Variants in DCUN1D4 observed in about 807,000 individuals in gnomAD.
DCUN1D4 encodes the protein DCN1-like protein 4.
In DCUN1D4, 22 loss-of-function variants were observed where a neutral mutation model predicts 47.9. The ratio of observed to expected loss-of-function variants is 0.46; its 90% CI spans 0.33 to 0.66. The LOEUF is 0.66. DCUN1D4 is among the 30% of genes least tolerant of loss of function. DCUN1D4 has a pLI of 0.02. For missense variants in DCUN1D4, 301 were observed against 340.8 expected (o/e 0.88, Z 0.92); for synonymous variants, 121 against 112.2 (o/e 1.08, Z -0.50).
intron 7 of DCUN1D4, among the ~76,000 whole-genome samples, chr4:51,894,388 C>G (rs906239893): frequency 6.6e-6 from 1 of 151,588 alleles, no homozygotes; most frequent in East Asian, 1.9e-4. Flanking sequence ...CCCACCCCCA[C>G]CTTCCAACCT....
chr4:51,898,030 G>A (rs1224918367), intron 7 of DCUN1D4, among the ~76,000 whole-genome samples: 1 of 152,194 alleles, frequency 6.6e-6, no homozygotes, highest in African/African-American at 2.4e-5. Context: ...TATCACCAAT[G>A]GATGCTATAA....
At chr4:51,854,189 C>T (rs779686663) in intron 1 of DCUN1D4, among the ~76,000 whole-genome samples, 9 of 152,068 alleles carry the variant, frequency 5.9e-5, no homozygotes, top group African/African-American at 1.9e-4. Context: ...GAGACCTGTG[C>T]CATGTCATGT....
intron 4 of DCUN1D4, among the ~76,000 whole-genome samples, chr4:51,876,153 A>G (rs1727633409): frequency 1.3e-5 from 2 of 152,202 alleles, no homozygotes; most frequent in African/African-American, 4.8e-5. Context: ...ATGTTCAATA[A>G]AAAAGAATTA....
At chr4:51,865,682 T>G (rs577054622) in intron 3 of DCUN1D4, 11 of 152,360 alleles carry the variant, frequency 7.2e-5, no homozygotes, top group African/African-American at 2.2e-4. Flanking sequence ...TGTTTTTCTT[T>G]TTCATTTAAT....
At chr4:51,840,362 G>C (rs1293066244), upstream of DCUN1D4, among the ~76,000 whole-genome samples, 1 of 152,186 alleles carries the variant, frequency 6.6e-6, no homozygotes, top group Non-Finnish European at 1.5e-5. Flanking sequence ...ACTTGTATTA[G>C]ATTGGCATAG....
chr4:51,838,455 C>T (rs980798510), upstream of DCUN1D4, among the ~76,000 whole-genome samples: 3 of 152,242 alleles, frequency 2.0e-5, no homozygotes, highest in Non-Finnish European at 1.5e-5. Context: ...GATCTCAGCT[C>T]ACTGCAGCCT....
At chr4:51,862,310 C>T (rs1725198340) in intron 1 of DCUN1D4, among the ~76,000 whole-genome samples, 1 of 152,220 alleles carries the variant, frequency 6.6e-6, no homozygotes, top group Non-Finnish European at 1.5e-5. Flanking sequence ...AACTGGATGC[C>T]CAACAAGCTT....
At chr4:51,903,844 T>C (rs1732474137) in intron 8 of DCUN1D4, among the ~76,000 whole-genome samples, 1 of 152,224 alleles carries the variant, frequency 6.6e-6, no homozygotes, top group African/African-American at 2.4e-5. Context: ...GTCTTGTTTA[T>C]GTCTCCAGTT....
chr4:51,869,729 G>C (rs1726574189), intron 3 of DCUN1D4, among the ~76,000 whole-genome samples: 1 of 152,176 alleles, frequency 6.6e-6, no homozygotes. Context: ...TCTGAACCAG[G>C]TGAACTCAAG....
rs1295599039 is a variant in DCUN1D4 at position 51,915,754 on chromosome 4, A to G, written c.*2170A>G. 6.6e-6 allele frequency: 1 copy of G among 152,608 alleles called. No homozygotes were observed. Among genetic ancestry groups the G allele is most frequent in the Non-Finnish European group, 1.5e-5 (1 of 68,016 alleles). The allele number at this position is 152,608 out of a possible 1,614,324, so 9.5% of individuals were successfully genotyped here. A position where few individuals can be genotyped will look rare whatever the true frequency, so the allele number is the denominator to read the frequency against. On this transcript the variant is annotated 3_prime_UTR_variant, in exon 11 of 11. Transcript: ENST00000334635. ...TTAATTCTAAAATGAGAGGATTGTT[A>G]CAGGAGGGAGATGTTACAGTTAATC...
At chr4:51,861,957 T>C (rs1444771154) in intron 1 of DCUN1D4, among the ~76,000 whole-genome samples, 2 of 152,124 alleles carry the variant, frequency 1.3e-5, no homozygotes, top group African/African-American at 4.8e-5. Context: ...TAAATAGGTG[T>C]ATAATACACA....
At chr4:51,839,477 C>G (rs913517676), upstream of DCUN1D4, among the ~76,000 whole-genome samples, 1 of 152,084 alleles carries the variant, frequency 6.6e-6, no homozygotes, top group Non-Finnish European at 1.5e-5. Context: ...GAGTAGTGCC[C>G]GTCACATAGG....
At chr4:51,844,647 C>G (rs1439161624) in intron 1 of DCUN1D4, among the ~76,000 whole-genome samples, 1 of 151,896 alleles carries the variant, frequency 6.6e-6, no homozygotes, top group Admixed American at 6.6e-5. Flanking sequence ...GATGGCCGGG[C>G]CCTAGGCCGC....
chr4:51,898,892 T>C (rs1731679412), intron 7 of DCUN1D4, among the ~76,000 whole-genome samples: 1 of 152,208 alleles, frequency 6.6e-6, no homozygotes, highest in Non-Finnish European at 1.5e-5. Flanking sequence ...TGCAGGTGGT[T>C]GTATATCAGC....
upstream of DCUN1D4, among the ~76,000 whole-genome samples, chr4:51,840,181 A>G (rs79374429): frequency 0.039 from 5,991 of 152,282 alleles, 409 homozygotes; most frequent in African/African-American, 0.14. Context: ...GGATTCAAAT[A>G]TAAATGTACA....
chr4:51,839,213 G>GGAAGGAA (rs1721570282), upstream of DCUN1D4, among the ~76,000 whole-genome samples: 1 of 108,638 alleles, frequency 9.2e-6, no homozygotes, highest in South Asian at 3.0e-4. Flanking sequence ...GAAGGAAGGA[G>GGAAGGAA]GGAAGGAAAG....
chr4:51,859,124 A>C (rs1400274185), intron 1 of DCUN1D4, among the ~76,000 whole-genome samples: 4 of 152,182 alleles, frequency 2.6e-5, no homozygotes, highest in Non-Finnish European at 5.9e-5. Flanking sequence ...CTGGGGAGCC[A>C]GCAGAATAGG....
chr4:51,911,282 T>C, intron 9 of DCUN1D4, 108 bp downstream of exon 9: 1 of 996,122 alleles, frequency 1.0e-6, no homozygotes, highest in Non-Finnish European at 1.5e-6. Flanking sequence ...TTTCTGCCTA[T>C]GTAGGAATTA....
intron 6 of DCUN1D4, among the ~76,000 whole-genome samples, chr4:51,891,322 T>C (rs1730395019): frequency 6.6e-6 from 1 of 152,248 alleles, no homozygotes; most frequent in African/African-American, 2.4e-5. Flanking sequence ...CAGTCCCTTA[T>C]TAATGGCCAT....
Sources: gnomAD v4.1 joint callset for allele counts (sites outside exome capture counted in the v4.1 genomes callset) on GRCh38, gnomAD v4.1.1 for gene constraint, MANE v1.5 for transcripts, NCBI Gene and HGNC (gene_info 2026-07-23, HGNC 2026-07-21) for gene names.